RBFOX1: variants seen among roughly 807,000 people sequenced by gnomAD.
RBFOX1 encodes the protein RNA binding fox-1 homolog 1, also known as RNA binding protein fox-1 homolog 1.
RBFOX1 carries 8 observed loss-of-function variants against 57.7 expected under a neutral mutation model. That is an observed-to-expected ratio of 0.14 (90% confidence interval 0.08 to 0.25). The LOEUF (loss-of-function observed/expected upper bound fraction) is 0.25, where lower values mean the gene tolerates loss of function less well. RBFOX1 is among the 10% of genes least tolerant of loss of function. RBFOX1 has a pLI of 1.00. For synonymous variants in RBFOX1, 326 were observed against 222.4 expected (o/e 1.47, Z -4.15); for missense variants, 611 against 548.5 (o/e 1.11, Z -1.14).
At chr16:7,498,984 T>G (rs1378518484) in intron 4 of RBFOX1, among the ~76,000 whole-genome samples, 1 of 152,198 alleles carries the variant, frequency 6.6e-6, no homozygotes, top group Non-Finnish European at 1.5e-5. Flanking sequence ...TCACTGGACC[T>G]CAAACTCCAT....
intron 3 of RBFOX1, among the ~76,000 whole-genome samples, chr16:6,857,852 G>T (rs563431717): frequency 1.3e-5 from 2 of 152,186 alleles, no homozygotes; most frequent in Non-Finnish European, 2.9e-5. Flanking sequence ...AGCTCTTCAT[G>T]CTCAGTTACC....
At chr16:7,344,939 T>A (rs1198811409) in intron 4 of RBFOX1, among the ~76,000 whole-genome samples, 1 of 152,034 alleles carries the variant, frequency 6.6e-6, no homozygotes, top group East Asian at 1.9e-4. Flanking sequence ...GATCAGTTTT[T>A]CCCCCACTGT....
At chr16:7,653,793 T>C (rs573995692) in intron 11 of RBFOX1, 22 bp from the exon 12 acceptor site, 2 of 1,607,490 alleles carry the variant, frequency 1.2e-6, no homozygotes, top group East Asian at 2.2e-5. Flanking sequence ...GCTCTCTCTC[T>C]CTCTCTCCTC....
chr16:5,394,684 G>C (rs1371654544), intron 1 of RBFOX1, among the ~76,000 whole-genome samples: 1 of 151,278 alleles, frequency 6.6e-6, no homozygotes, highest in African/African-American at 2.4e-5. Flanking sequence ...AAGTAGCTGA[G>C]ACTACAGATG....
intron 2 of RBFOX1, among the ~76,000 whole-genome samples, chr16:6,341,428 T>C (rs1380754170): frequency 6.6e-6 from 1 of 152,140 alleles, no homozygotes; most frequent in African/African-American, 2.4e-5. Flanking sequence ...CATAGGAAGT[T>C]AGGGATTCCT....
intron 1 of RBFOX1, among the ~76,000 whole-genome samples, chr16:5,334,491 T>C (rs2064846441): frequency 6.6e-6 from 1 of 151,938 alleles, no homozygotes; most frequent in African/African-American, 2.4e-5. Context: ...AAAGAGATGG[T>C]TGGGTCTTGC....
chr16:7,359,250 A>G (rs1026003727), intron 4 of RBFOX1, among the ~76,000 whole-genome samples: 1 of 152,236 alleles, frequency 6.6e-6, no homozygotes, highest in Non-Finnish European at 1.5e-5. Context: ...TGAGAAGGAA[A>G]TGAACTATCA....
intron 4 of RBFOX1, among the ~76,000 whole-genome samples, chr16:5,960,633 C>G (rs1390738748): frequency 6.6e-6 from 1 of 152,134 alleles, no homozygotes; most frequent in African/African-American, 2.4e-5. Flanking sequence ...TCCGAAACCT[C>G]TAGCTCCTCA....
chr16:6,191,222 T>A (rs952650312), intron 1 of RBFOX1, among the ~76,000 whole-genome samples: 5 of 152,062 alleles, frequency 3.3e-5, no homozygotes, highest in Admixed American at 6.6e-5. Flanking sequence ...GGGCAGTATT[T>A]TCAAGCGGTG....
At chr16:6,806,729 C>G (rs966516004) in intron 3 of RBFOX1, among the ~76,000 whole-genome samples, 7 of 147,548 alleles carry the variant, frequency 4.7e-5, no homozygotes, top group Admixed American at 1.4e-4. Context: ...AGGGGAGCAT[C>G]TTTCTGTTTT....
intron 1 of RBFOX1, among the ~76,000 whole-genome samples, chr16:6,287,773 C>G (rs1251962286): frequency 6.6e-6 from 1 of 152,070 alleles, no homozygotes; most frequent in Non-Finnish European, 1.5e-5. Context: ...ATCTGATTGT[C>G]TAGAATTAAG....
intron 3 of RBFOX1, among the ~76,000 whole-genome samples, chr16:6,681,318 G>A (rs545671762): frequency 2.6e-5 from 4 of 151,222 alleles, no homozygotes; most frequent in Admixed American, 2.6e-4. Context: ...AGCCTGTCTG[G>A]AAAAAAAACA....
At chr16:6,063,024 A>G (rs1410635962) in intron 1 of RBFOX1, among the ~76,000 whole-genome samples, 1 of 152,194 alleles carries the variant, frequency 6.6e-6, no homozygotes, top group Non-Finnish European at 1.5e-5. Context: ...TTTTCAAGGT[A>G]ATCTCCCTGA....
chr16:5,822,706 C>G (rs1051974682), intron 3 of RBFOX1, among the ~76,000 whole-genome samples: 3 of 152,172 alleles, frequency 2.0e-5, no homozygotes, highest in East Asian at 1.9e-4. Context: ...GGTTTCCAAC[C>G]CATGGCCTGG....
intron 3 of RBFOX1, among the ~76,000 whole-genome samples, chr16:6,710,696 C>T (rs778572172): frequency 2.0e-5 from 3 of 152,236 alleles, no homozygotes; most frequent in Non-Finnish European, 4.4e-5. Context: ...TGGAAATTCC[C>T]CACATCAAGG....
At chr16:6,020,908 A>T (rs2095061247) in intron 1 of RBFOX1, among the ~76,000 whole-genome samples, 3 of 152,138 alleles carry the variant, frequency 2.0e-5, no homozygotes, top group Admixed American at 2.0e-4. Context: ...CCCCGATCTA[A>T]CCTTGTCCTG....
intron 4 of RBFOX1, among the ~76,000 whole-genome samples, chr16:5,898,945 C>T (rs1410786674): frequency 6.6e-6 from 1 of 150,834 alleles, no homozygotes; most frequent in Non-Finnish European, 1.5e-5. Context: ...TGCCTGTGGT[C>T]CCAGCTACGT....
At chr16:5,976,956 C>A (rs1673399330) in intron 4 of RBFOX1, among the ~76,000 whole-genome samples, 2 of 152,182 alleles carry the variant, frequency 1.3e-5, no homozygotes, top group Admixed American at 1.3e-4. Flanking sequence ...TCTGCTTCCT[C>A]CTGCACGTGC....
chr16:6,829,016 C>A (rs891405321), intron 3 of RBFOX1, among the ~76,000 whole-genome samples: 2 of 152,090 alleles, frequency 1.3e-5, no homozygotes, highest in Admixed American at 6.5e-5. Context: ...CCTGACTCAT[C>A]CTTGAATTCC....
Sources: allele counts gnomAD v4.1 joint callset (sites outside exome capture counted in the v4.1 genomes callset), GRCh38; gene constraint gnomAD v4.1.1; transcripts MANE v1.5; gene names NCBI Gene and HGNC (gene_info 2026-07-23, HGNC 2026-07-21).